TRMT11: variants seen among roughly 807,000 people sequenced by gnomAD.
TRMT11 encodes tRNA methyltransferase 11.
Under a neutral mutation model 62.8 loss-of-function variants are expected in TRMT11, and 53 were observed. That is an observed-to-expected ratio of 0.84 (90% CI 0.68 to 1.06). The LOEUF is 1.06. Ranked by LOEUF, TRMT11 falls within the 50% of genes least tolerant of loss-of-function variation. The pLI is 0.00. For synonymous variants in TRMT11, 188 were observed against 190.3 expected, an observed-to-expected ratio of 0.99 and a Z score of 0.10; for missense variants, 556 against 553.4, an observed-to-expected ratio of 1.00 and a Z score of -0.05.
chr6:126,001,268 T>C (rs1219904305), intron 7 of TRMT11, among the ~76,000 whole-genome samples: 1 of 152,150 alleles, frequency 6.6e-6, no homozygotes, highest in Non-Finnish European at 1.5e-5. Flanking sequence ...GTATTATATT[T>C]TGTTGTTAAT....
At chr6:126,071,622 A>T (rs1347035890) in intron 17 of TRMT11, among the ~76,000 whole-genome samples, 1 of 151,402 alleles carries the variant, frequency 6.6e-6, no homozygotes, top group South Asian at 2.1e-4. Context: ...AGCTGGCACG[A>T]TGATCAGCGA....
rs75598433 is a variant in TRMT11, at chr6:126,047,702, C to T, written c.*1370-5421C>T. On this transcript the variant is annotated intron_variant and NMD_transcript_variant, in intron 16 of 22. Coordinates refer to the TRMT11 transcript ENST00000648977. Reference sequence around the variant, plus strand: ...ATCGTAACACAGTCCTAGATGCTACCGTGGGGCTGGAGCCCAAAAGCGCTC... The same window carrying T: ...ATCGTAACACAGTCCTAGATGCTACTGTGGGGCTGGAGCCCAAAAGCGCTC... 8.8e-3 allele frequency among the ~76,000 whole-genome samples: 1,347 copies of T among 152,274 alleles called. 16 individuals are homozygous for T. The highest frequency in any genetic ancestry group is 0.031 in the African/African-American group (1,271 of 41,546).
At chr6:126,010,738 C>G (rs1794052093) in intron 8 of TRMT11, among the ~76,000 whole-genome samples, 1 of 152,006 alleles carries the variant, frequency 6.6e-6, no homozygotes. Context: ...TGTCATCATC[C>G]TAAACTATCA....
At chr6:126,225,068 A>G in the TRMT11 span, among the ~76,000 whole-genome samples, 1 of 152,164 alleles carries the variant, frequency 6.6e-6, no homozygotes, top group Admixed American at 6.5e-5. Flanking sequence ...CTCACAGGCA[A>G]GGTAGTTTTG....
At chr6:126,206,556 T>C (rs1778793841), downstream of TRMT11, among the ~76,000 whole-genome samples, 3 of 152,338 alleles carry the variant, frequency 2.0e-5, 1 homozygote, top group African/African-American at 7.2e-5. Flanking sequence ...ATAAAAACAT[T>C]TAATACAAAA....
At chr6:126,005,008 CT>C (rs1793142943) in intron 7 of TRMT11, among the ~76,000 whole-genome samples, 1 of 152,144 alleles carries the variant, frequency 6.6e-6, no homozygotes, top group African/African-American at 2.4e-5. Context: ...TGTGTCTCCA[CT>C]TTCCCAAAGG....
At chr6:126,088,407 T>C (rs2128164310) in intron 17 of TRMT11, among the ~76,000 whole-genome samples, 1 of 152,250 alleles carries the variant, frequency 6.6e-6, no homozygotes, top group East Asian at 1.9e-4. Context: ...ATACAGATGG[T>C]AAGGCCGCTA....
chr6:126,012,546 A>G (rs557753142), intron 9 of TRMT11, among the ~76,000 whole-genome samples: 19 of 152,202 alleles, frequency 1.2e-4, no homozygotes, highest in Non-Finnish European at 2.8e-4. Flanking sequence ...TTTAATTTGT[A>G]ACACTTCCAC....
At chr6:126,138,488 A>G (rs1777877825) in intron 21 of TRMT11, among the ~76,000 whole-genome samples, 1 of 152,012 alleles carries the variant, frequency 6.6e-6, no homozygotes, top group Admixed American at 6.6e-5. Flanking sequence ...AACATTGCAT[A>G]TAGATAATAT....
chr6:126,205,699 T>C (rs894648151), downstream of TRMT11, among the ~76,000 whole-genome samples: 8 of 152,164 alleles, frequency 5.3e-5, no homozygotes, highest in South Asian at 1.7e-3. Context: ...AAAGTATTAA[T>C]TGAAGACTCT....
At chr6:126,047,492 C>G (rs953664005) in intron 16 of TRMT11, among the ~76,000 whole-genome samples, 1 of 151,996 alleles carries the variant, frequency 6.6e-6, no homozygotes, top group Non-Finnish European at 1.5e-5. Flanking sequence ...AGAGCCACCT[C>G]TACCACTCAG....
intron 21 of TRMT11, among the ~76,000 whole-genome samples, chr6:126,145,373 C>G (rs1477141572): frequency 1.3e-5 from 2 of 152,094 alleles, no homozygotes; most frequent in African/African-American, 4.8e-5. Flanking sequence ...AAATAAGATG[C>G]AGGAGCCAAA....
chr6:126,130,060 G>A (rs1252313938), intron 21 of TRMT11, among the ~76,000 whole-genome samples: 1 of 152,036 alleles, frequency 6.6e-6, no homozygotes, highest in Middle Eastern at 3.2e-3. Context: ...TTTGCTTGGA[G>A]CATGATGAAT....
At chr6:126,091,781 C>T (rs1777280371) in intron 17 of TRMT11, among the ~76,000 whole-genome samples, 1 of 152,174 alleles carries the variant, frequency 6.6e-6, no homozygotes, top group South Asian at 2.1e-4. Flanking sequence ...AAAACTCCAG[C>T]AGCTATCTCT....
chr6:126,234,926 A>G, the TRMT11 span, among the ~76,000 whole-genome samples: 1 of 152,208 alleles, frequency 6.6e-6, no homozygotes, highest in Non-Finnish European at 1.5e-5. Flanking sequence ...ATCCCTTCCA[A>G]ATAGGCAAGG....
At chr6:126,015,083 TAAAAAA>T (rs35779045) in intron 11 of TRMT11, among the ~76,000 whole-genome samples, 6 of 149,064 alleles carry the variant, frequency 4.0e-5, no homozygotes, top group African/African-American at 1.5e-4. Flanking sequence ...AGGGCTAAAA[TAAAAAA>T]AAAAAAATAC....
At chr6:126,240,818 A>G in the TRMT11 span, among the ~76,000 whole-genome samples, 1 of 152,242 alleles carries the variant, frequency 6.6e-6, no homozygotes, top group Non-Finnish European at 1.5e-5. Context: ...CGGAGTCTAC[A>G]GAGGCAGGCA....
At chr6:126,130,368 T>C (rs1777767263) in intron 21 of TRMT11, among the ~76,000 whole-genome samples, 1 of 152,068 alleles carries the variant, frequency 6.6e-6, no homozygotes, top group Non-Finnish European at 1.5e-5. Flanking sequence ...TCCTTTTATA[T>C]ATGTAATATC....
the TRMT11 span, among the ~76,000 whole-genome samples, chr6:126,255,525 A>C: frequency 6.6e-6 from 1 of 152,222 alleles, no homozygotes; most frequent in Admixed American, 6.5e-5. Flanking sequence ...TTCTCTAATA[A>C]AAATTTTACC....
Sources: gnomAD v4.1 joint callset for allele counts (sites outside exome capture counted in the v4.1 genomes callset) on GRCh38, gnomAD v4.1.1 for gene constraint, MANE v1.5 for transcripts, NCBI Gene and HGNC (gene_info 2026-07-23, HGNC 2026-07-21) for gene names.